The following TLE1 variants were observed in gnomAD, a reference collection of about 807,000 sequenced individuals.
The protein encoded by TLE1 is TLE family member 1, transcriptional corepressor.
In TLE1, 21 loss-of-function variants were observed where a neutral mutation model predicts 89.8. The observed-to-expected ratio is 0.23, with a 90% CI of 0.17 to 0.34. The LOEUF (loss-of-function observed/expected upper bound fraction) is 0.34. Among genes scored for constraint, TLE1 ranks in the 10% least tolerant of loss-of-function variants. TLE1 has a pLI of 1.00. For synonymous variants in TLE1, 447 were observed against 407.6 expected, an observed-to-expected ratio of 1.10 and a Z score of -1.16; for missense variants, 795 against 1,031.2, an observed-to-expected ratio of 0.77 and a Z score of 3.14.
At chr9:81,674,659 T>G (rs116767128) in intron 4 of TLE1, among the ~76,000 whole-genome samples, 1 of 152,180 alleles carries the variant, frequency 6.6e-6, no homozygotes, top group Non-Finnish European at 1.5e-5. Flanking sequence ...TCAAGTTTCA[T>G]TGAGGGGTCA....
chr9:81,608,460 G>C (rs1823261957), intron 14 of TLE1, among the ~76,000 whole-genome samples: 1 of 152,124 alleles, frequency 6.6e-6, no homozygotes, highest in Admixed American at 6.5e-5. Flanking sequence ...GCTGCAGTGA[G>C]CTGTGATTGT....
intron 6 of TLE1, among the ~76,000 whole-genome samples, chr9:81,645,322 G>A (rs936761540): frequency 4.7e-5 from 7 of 148,254 alleles, no homozygotes; most frequent in African/African-American, 7.5e-5. Context: ...CCAAGATCGC[G>A]CCATTGCACT....
At chr9:81,629,140 CAT>C (rs1177971978) in intron 8 of TLE1, among the ~76,000 whole-genome samples, 1 of 152,054 alleles carries the variant, frequency 6.6e-6, no homozygotes, top group Non-Finnish European at 1.5e-5. Flanking sequence ...TACTCGGGCA[CAT>C]AGTCAGGGCT....
rs770501348 is a variant in TLE1, at chr9:81,685,725, A to G, written c.190-5T>C. 3.7e-6 allele frequency: 6 copies of G among 1,613,226 alleles called. No individual in the cohort carries two copies. The African/African-American group carries it at 4.0e-5, about 11-fold the overall frequency. On this transcript the variant is annotated splice_region_variant and splice_polypyrimidine_tract_variant and intron_variant, in intron 3 of 19. Transcript: ENST00000376499. ...TCCATATGACATTTCATAATACTGT[A>G]AAGAGAAAAAAGAATCAAGCATTTC...
chr9:81,665,564 C>A (rs908930039), intron 4 of TLE1, among the ~76,000 whole-genome samples: 1 of 152,054 alleles, frequency 6.6e-6, no homozygotes, highest in Non-Finnish European at 1.5e-5. Context: ...CAGATAGCAA[C>A]ACTAATTGCT....
At chr9:81,612,543 C>G (rs184614678) in intron 12 of TLE1, 222 of 173,440 alleles carry the variant, frequency 1.3e-3, no homozygotes, top group African/African-American at 3.8e-3. Context: ...CGCAGAGAAA[C>G]CCTCCTAATT....
intron 5 of TLE1, 107 bp downstream of exon 5, chr9:81,653,866 TG>T: frequency 1.0e-6 from 1 of 979,730 alleles, no homozygotes; most frequent in South Asian, 1.5e-5. Context: ...CTGTAACAGA[TG>T]TTCTTCACAC....
At chr9:81,683,849 T>C (rs944980085) in intron 4 of TLE1, among the ~76,000 whole-genome samples, 3 of 152,242 alleles carry the variant, frequency 2.0e-5, no homozygotes, top group Admixed American at 2.0e-4. Flanking sequence ...AGAAACTCAT[T>C]AGAAAACTAT....
At position 81,601,466 on chromosome 9, in the gene TLE1, C is replaced by T. The variant is rs1320334535; in HGVS notation, c.1332-8192G>A. On this transcript the variant is annotated intron_variant, in intron 14 of 19. Coordinates refer to ENST00000376499, the MANE Select transcript of TLE1 (RefSeq NM_005077.5). ...GGCATTAAAACATAGGGTGAAAGGA[C>T]CTGTAACTACCCTAGACTCTTAAGC... Among the ~76,000 whole-genome samples the T allele has an allele frequency of 2.6e-5, 4 of 152,022 alleles. No individual in the cohort carries two copies. In the South Asian group the frequency reaches 6.2e-4, roughly 24 times the overall value.
Position 81,593,222 on chromosome 9 carries a change from G to T in TLE1, c.1384C>A (p.Pro462Thr), listed in dbSNP as rs749644598. Residue 462 changes from proline (P) to threonine (T), a missense_variant, in exon 15 of 20, where the codon CCC becomes ACC. Pro to Thr is a conservative substitution (Grantham distance 38, BLOSUM62 -1). This residue lies in a region of TLE1 where 468 missense variants were observed against 509.1 expected (regional missense o/e 0.92). Transcript: ENST00000376499. The stretch of plus-strand genomic sequence containing the variant: ...CCGGGTCCGATGAGGGCGTCGGGGG[G>T]AAAAGGGACAGGCTGCATCTGACCG... The part of the protein sequence containing the change: ...ADGQMQPVPF[P>T]PDALIGPGIP... 1.2e-6 allele frequency: 2 copies of T among 1,614,168 alleles called. No homozygotes were observed. The highest frequency in any genetic ancestry group is 8.5e-7 in the Non-Finnish European group (1 of 1,180,018).
At chr9:81,649,112 A>T (rs1829229956) in intron 6 of TLE1, among the ~76,000 whole-genome samples, 1 of 152,178 alleles carries the variant, frequency 6.6e-6, no homozygotes, top group Admixed American at 6.6e-5. Flanking sequence ...AAAGCTGTTT[A>T]AAAAAAGGTC....
At chr9:81,606,908 A>C (rs1161714208) in intron 14 of TLE1, among the ~76,000 whole-genome samples, 2 of 151,982 alleles carry the variant, frequency 1.3e-5, no homozygotes, top group Non-Finnish European at 2.9e-5. Flanking sequence ...AATATGGCTC[A>C]AACATGAAAG....
In TLE1 at chr9:81,621,453, TG is replaced by T. The variant is rs113025240; in HGVS notation, c.595-897del. On this transcript the variant is annotated intron_variant, in intron 8 of 19. Transcript: ENST00000376499. ...AGTGATGTGTTACTGCCCTGAACAA[TG>T]TTGAATGAGCTGTGCAAAAACCTCC... Among the ~76,000 whole-genome samples, 254 of 152,276 alleles carry T rather than the reference TG, an allele frequency of 1.7e-3. 4 individuals carry two copies. Among genetic ancestry groups the T allele is most frequent in the African/African-American group, 5.8e-3 (243 of 41,554 alleles).
chr9:81,601,416 T>C (rs555712779), intron 14 of TLE1, among the ~76,000 whole-genome samples: 115 of 152,258 alleles, frequency 7.6e-4, no homozygotes, highest in African/African-American at 2.3e-3. Context: ...AACAAGTGGG[T>C]AGAAGATTTC....
At chr9:81,623,034 T>C (rs1333721946) in intron 8 of TLE1, among the ~76,000 whole-genome samples, 1 of 152,222 alleles carries the variant, frequency 6.6e-6, no homozygotes, top group East Asian at 1.9e-4. Context: ...CTGCTTTCAT[T>C]GTTGTTCTTG....
chr9:81,655,224 C>T (rs527306196), intron 4 of TLE1, among the ~76,000 whole-genome samples: 21 of 151,976 alleles, frequency 1.4e-4, no homozygotes, highest in African/African-American at 4.8e-4. Context: ...ATTAGCCGGG[C>T]GTGATGGTGG....
At chr9:81,677,655 A>G (rs1833074789) in intron 4 of TLE1, among the ~76,000 whole-genome samples, 1 of 152,148 alleles carries the variant, frequency 6.6e-6, no homozygotes, top group Non-Finnish European at 1.5e-5. Flanking sequence ...CTAGTATCAT[A>G]GACTAGTAAC....
chr9:81,597,520 T>C (rs567202592), intron 14 of TLE1, among the ~76,000 whole-genome samples: 2 of 152,288 alleles, frequency 1.3e-5, no homozygotes, highest in Admixed American at 1.3e-4. Context: ...GACGTTTGGA[T>C]AGAATCGTGG....
intron 4 of TLE1, among the ~76,000 whole-genome samples, chr9:81,667,134 C>T (rs1305556162): frequency 6.6e-6 from 1 of 151,604 alleles, no homozygotes; most frequent in Non-Finnish European, 1.5e-5. Flanking sequence ...AAAAATCAGC[C>T]GGGCACGGTG....
Sources: allele counts gnomAD v4.1 joint callset (sites outside exome capture counted in the v4.1 genomes callset), GRCh38; gene constraint gnomAD v4.1.1; regional missense constraint gnomAD v4.1.1; transcripts MANE v1.5; gene names NCBI Gene and HGNC (gene_info 2026-07-23, HGNC 2026-07-21).